Variants in LMBR1 observed in about 807,000 individuals in gnomAD.
LMBR1 encodes the protein limb region 1 protein homolog.
LMBR1 carries 52 observed loss-of-function variants against 73.9 expected under a neutral mutation model. That is an observed-to-expected ratio of 0.70 (90% CI 0.56 to 0.89). LMBR1 has a LOEUF of 0.89. Ranked by LOEUF, LMBR1 falls within the 40% of genes least tolerant of loss-of-function variation. The pLI, the probability that LMBR1 is intolerant of heterozygous loss-of-function variation, is 0.00. For synonymous variants in LMBR1, 215 were observed against 209.4 expected, an observed-to-expected ratio of 1.03 and a Z score of -0.23; for missense variants, 539 against 579.8, an observed-to-expected ratio of 0.93 and a Z score of 0.72.
intron 9 of LMBR1, among the ~76,000 whole-genome samples, chr7:156,739,713 A>G (rs1332746691): frequency 6.6e-6 from 1 of 152,236 alleles, no homozygotes; most frequent in African/African-American, 2.4e-5. Context: ...TGCAAGAACC[A>G]CAGCATTATT....
At position 156,681,122 on chromosome 7, in the gene LMBR1, T is replaced by C. The variant is rs1365262381; in HGVS notation, c.*2956A>G. 2.3e-6 allele frequency: 1 copy of C among 434,832 alleles called. No individual in the cohort carries two copies. Among genetic ancestry groups the C allele is most frequent in the Non-Finnish European group, 4.5e-6 (1 of 220,726 alleles). The allele number at this position is 434,832 out of a possible 1,614,324, so 26.9% of individuals were successfully genotyped here. A position where few individuals can be genotyped will look rare whatever the true frequency, so the allele number is the denominator to read the frequency against. On this transcript the variant is annotated 3_prime_UTR_variant, in exon 17 of 17. Coordinates refer to ENST00000353442, the MANE Select transcript of LMBR1 (RefSeq NM_022458.4). ...CTTGTAAGAATTCTGCCTTTATGCA[T>C]TAAATAACGTGCTACCAACAAAACT...
chr7:156,725,657 CCTGTTGTTTTCT>C, intron 13 of LMBR1, 95 bp downstream of exon 13: 1 of 1,242,804 alleles, frequency 8.0e-7, no homozygotes, highest in Non-Finnish European at 1.1e-6. Context: ...GGAAGACTAA[CCTGTTGTTTTCT>C]CTTCTAGACA....
At chr7:156,695,240 T>C (rs1808039095) in intron 15 of LMBR1, among the ~76,000 whole-genome samples, 1 of 152,142 alleles carries the variant, frequency 6.6e-6, no homozygotes, top group South Asian at 2.1e-4. Flanking sequence ...CATCACGAGG[T>C]TGTGGCCACA....
At chr7:156,889,397 A>C (rs1802516022) in intron 1 of LMBR1, among the ~76,000 whole-genome samples, 1 of 152,250 alleles carries the variant, frequency 6.6e-6, no homozygotes, top group African/African-American at 2.4e-5. Flanking sequence ...TAAAAAAGTT[A>C]AGCAATTATA....
intron 15 of LMBR1, among the ~76,000 whole-genome samples, chr7:156,723,767 CA>C (rs1815120370): frequency 6.6e-6 from 1 of 152,128 alleles, no homozygotes; most frequent in South Asian, 2.1e-4. Context: ...TATAAACGCT[CA>C]AAAGCTTTTA....
intron 15 of LMBR1, among the ~76,000 whole-genome samples, chr7:156,710,332 C>A (rs1811826110): frequency 6.6e-6 from 1 of 152,066 alleles, no homozygotes; most frequent in Admixed American, 6.6e-5. Context: ...AAAGAAAAAG[C>A]AATCACAACT....
At chr7:156,786,568 G>C (rs534477675) in intron 5 of LMBR1, among the ~76,000 whole-genome samples, 1 of 152,146 alleles carries the variant, frequency 6.6e-6, no homozygotes, top group Admixed American at 6.5e-5. Context: ...AAATAGAATA[G>C]ACTATATTAT....
At chr7:156,745,987 C>T (rs1819778079) in intron 9 of LMBR1, among the ~76,000 whole-genome samples, 2 of 152,216 alleles carry the variant, frequency 1.3e-5, no homozygotes, top group South Asian at 4.1e-4. Context: ...ACTTTGATTA[C>T]AAAGTTAGTT....
intron 5 of LMBR1, among the ~76,000 whole-genome samples, chr7:156,785,965 T>A (rs1828000563): frequency 6.6e-6 from 1 of 152,080 alleles, no homozygotes; most frequent in African/African-American, 2.4e-5. Context: ...CCAATAAATA[T>A]TAACTGAATG....
intron 9 of LMBR1, among the ~76,000 whole-genome samples, chr7:156,736,980 C>G (rs1006048326): frequency 6.6e-6 from 1 of 152,140 alleles, no homozygotes; most frequent in African/African-American, 2.4e-5. Flanking sequence ...CCTGCCCACC[C>G]CAGATGGACT....
At chr7:156,748,493 T>C (rs532416380) in intron 9 of LMBR1, among the ~76,000 whole-genome samples, 3 of 152,188 alleles carry the variant, frequency 2.0e-5, no homozygotes, top group Non-Finnish European at 2.9e-5. Flanking sequence ...AATTTGGATT[T>C]TTTTTTCTTT....
chr7:156,751,173 A>G (rs1223499704), intron 9 of LMBR1, among the ~76,000 whole-genome samples: 3 of 152,160 alleles, frequency 2.0e-5, no homozygotes, highest in African/African-American at 7.2e-5. Flanking sequence ...GACAGGCAAT[A>G]TACTAAAAGA....
intron 1 of LMBR1, among the ~76,000 whole-genome samples, chr7:156,880,618 A>C (rs1159837591): frequency 6.6e-6 from 1 of 152,138 alleles, no homozygotes; most frequent in Non-Finnish European, 1.5e-5. Context: ...TACCCAAGCA[A>C]TTTACAGACT....
intron 4 of LMBR1, among the ~76,000 whole-genome samples, chr7:156,824,145 C>T (rs934738123): frequency 2.8e-5 from 4 of 143,754 alleles, no homozygotes; most frequent in South Asian, 2.1e-4. Flanking sequence ...TATACACACG[C>T]GCGCGCGCTG....
At chr7:156,892,813 G>C in intron 1 of LMBR1, 115 bp downstream of exon 1, 1 of 469,326 alleles carries the variant, frequency 2.1e-6, no homozygotes, top group Non-Finnish European at 3.0e-6. Context: ...GCCGGGGCGG[G>C]AGGCGCGAGG....
At chr7:156,862,071 T>A (rs1413483873) in intron 1 of LMBR1, among the ~76,000 whole-genome samples, 2 of 152,226 alleles carry the variant, frequency 1.3e-5, no homozygotes, top group African/African-American at 4.8e-5. Flanking sequence ...GAATTTACTG[T>A]ATTAGCCTGT....
In LMBR1 at chr7:156,683,893, A is replaced by C; in HGVS notation, c.*185T>G. On this transcript the variant is annotated 3_prime_UTR_variant, in exon 17 of 17. Coordinates refer to ENST00000353442, the MANE Select transcript of LMBR1 (RefSeq NM_022458.4). ...CTGGAAACTACAGGGTCCATCAGAA[A>C]GTTAAATTTAAAAAAGATCAGCCAT... 1 of 589,206 alleles carries C rather than the reference A, an allele frequency of 1.7e-6. No individual in the cohort carries two copies. Among genetic ancestry groups the C allele is most frequent in the South Asian group, 2.3e-5 (1 of 43,766 alleles). The allele number at this position is 589,206 out of a possible 1,614,324, so 36.5% of individuals were successfully genotyped here. A position where few individuals can be genotyped will look rare whatever the true frequency, so the allele number is the denominator to read the frequency against.
At chr7:156,827,696 A>T (rs1251542297) in intron 3 of LMBR1, among the ~76,000 whole-genome samples, 1 of 152,136 alleles carries the variant, frequency 6.6e-6, no homozygotes, top group Non-Finnish European at 1.5e-5. Flanking sequence ...AAAAATAAAT[A>T]TAAGAAAATA....
At chr7:156,751,212 A>C (rs56411276) in intron 9 of LMBR1, among the ~76,000 whole-genome samples, 1 of 151,914 alleles carries the variant, frequency 6.6e-6, no homozygotes, top group Non-Finnish European at 1.5e-5. Flanking sequence ...AAAAAATGCT[A>C]TAGAAAAAAA....
Sources: allele counts gnomAD v4.1 joint callset (sites outside exome capture counted in the v4.1 genomes callset), GRCh38; gene constraint gnomAD v4.1.1; transcripts MANE v1.5; gene names NCBI Gene and HGNC (gene_info 2026-07-23, HGNC 2026-07-21).